SEC14L5: variants seen among roughly 807,000 people sequenced by gnomAD.
The protein encoded by SEC14L5 is SEC14-like protein 5.
A neutral mutation model predicts 84.6 loss-of-function variants in SEC14L5; 96 were observed. That is an observed-to-expected ratio of 1.13 (90% CI 0.96 to 1.34). The LOEUF is 1.34. SEC14L5 is among the 40% of genes most tolerant of loss of function. The pLI, the probability that SEC14L5 is intolerant of heterozygous loss-of-function variation, is 0.00. For missense variants in SEC14L5, 1,224 were observed against 942.5 expected (o/e 1.30, Z -3.91); for synonymous variants, 546 against 383.4 (o/e 1.42, Z -4.95).
chr16:4,992,093 G>T (rs1027020554), intron 6 of SEC14L5, 63 bp downstream of exon 6: 3 of 1,163,684 alleles, frequency 2.6e-6, no homozygotes, highest in Non-Finnish European at 3.5e-6. Flanking sequence ...TTGCTCCATG[G>T]GGGGCCCTGG....
chr16:5,014,564 A>G (rs1450761234), intron 15 of SEC14L5, among the ~76,000 whole-genome samples: 1 of 152,220 alleles, frequency 6.6e-6, no homozygotes, highest in African/African-American at 2.4e-5. Context: ...AGGGAGTGAG[A>G]CTGGAGACAG....
At chr16:5,005,202 C>G (rs1460979609) in intron 11 of SEC14L5, among the ~76,000 whole-genome samples, 1 of 152,086 alleles carries the variant, frequency 6.6e-6, no homozygotes, top group Non-Finnish European at 1.5e-5. Flanking sequence ...GTAATCCCAG[C>G]TACTTGGGAG....
chr16:4,987,355 T>C (rs556538662), intron 2 of SEC14L5, among the ~76,000 whole-genome samples: 2 of 152,336 alleles, frequency 1.3e-5, no homozygotes, highest in East Asian at 1.9e-4. Context: ...CAAATCATTG[T>C]CCAGGCTCTG....
At chr16:5,014,126 C>T (rs980032915) in intron 15 of SEC14L5, among the ~76,000 whole-genome samples, 2 of 152,206 alleles carry the variant, frequency 1.3e-5, no homozygotes, top group Non-Finnish European at 2.9e-5. Context: ...TTTAACTTAG[C>T]AAGGAGAATG....
intron 6 of SEC14L5, among the ~76,000 whole-genome samples, chr16:4,994,730 C>T (rs1188979875): frequency 2.6e-5 from 4 of 151,546 alleles, no homozygotes; most frequent in South Asian, 2.1e-4. Flanking sequence ...CTCCTGTGCA[C>T]GCTCTCTGTG....
At chr16:5,005,446 G>C (rs1955719762) in intron 11 of SEC14L5, among the ~76,000 whole-genome samples, 1 of 152,032 alleles carries the variant, frequency 6.6e-6, no homozygotes, top group Non-Finnish European at 1.5e-5. Flanking sequence ...TTTCCTTCTG[G>C]GGTGATGAAC....
intron 15 of SEC14L5, among the ~76,000 whole-genome samples, chr16:5,012,968 G>A (rs138549157): frequency 0.027 from 4,025 of 151,588 alleles, 171 homozygotes; most frequent in African/African-American, 0.091. Flanking sequence ...ATTGACTCAC[G>A]GTTCTGCATG....
At chr16:4,977,387 CAGTG>C (rs1955356080) in intron 2 of SEC14L5, among the ~76,000 whole-genome samples, 1 of 118,192 alleles carries the variant, frequency 8.5e-6, no homozygotes, top group Non-Finnish European at 1.6e-5. Flanking sequence ...GCGGAGGCGG[CAGTG>C]AGCTGAGATC....
chr16:4,971,091 CAAAA>C (rs34842525), intron 2 of SEC14L5, among the ~76,000 whole-genome samples: 5 of 73,924 alleles, frequency 6.8e-5, no homozygotes, highest in African/African-American at 1.5e-4. Context: ...GTGACAGAGC[CAAAA>C]AAAAAAAAAA....
intron 8 of SEC14L5, among the ~76,000 whole-genome samples, chr16:4,999,394 C>A (rs1955651066): frequency 6.6e-6 from 1 of 152,178 alleles, no homozygotes; most frequent in Non-Finnish European, 1.5e-5. Context: ...CGCTTAAGCC[C>A]AGGAGTTCGA....
At chr16:4,990,993 G>A in intron 5 of SEC14L5, 98 bp downstream of exon 5, 1 of 1,004,512 alleles carries the variant, frequency 1.0e-6, no homozygotes, top group Non-Finnish European at 1.4e-6. Flanking sequence ...ACCCTTCCTG[G>A]GCTCAGTGTT....
intron 9 of SEC14L5, 41 bp from the exon 10 acceptor site, chr16:5,000,814 C>T (rs1311683809): frequency 6.4e-7 from 1 of 1,572,504 alleles, no homozygotes; most frequent in East Asian, 2.3e-5. Flanking sequence ...TGGGGTAAAG[C>T]AGCGAGGCGG....
chr16:4,991,861 C>A lies in SEC14L5; in HGVS notation c.498C>A (p.Tyr166Ter). The A allele has an allele frequency of 1.2e-6, 2 of 1,608,752 alleles. No homozygotes were observed. The highest frequency in any genetic ancestry group is 1.7e-6 in the Non-Finnish European group (2 of 1,177,902). Residue 166 changes from tyrosine to a stop codon, truncating the protein, a stop_gained, in exon 6 of 16, where the codon TAC (tyrosine) becomes TAA (stop). Transcript: ENST00000251170. LOFTEE classifies it high-confidence loss of function. ...AGGGGAAGGAGGTGATTGAGCATTA[C>A]CTGAATGAGCTCATCTCCCAGGGTA... The part of the protein sequence containing the change: ...VKRGKEVIEH[Y>*]LNELISQGTS...
At chr16:4,994,456 G>A (rs1187610090) in intron 6 of SEC14L5, among the ~76,000 whole-genome samples, 1 of 152,002 alleles carries the variant, frequency 6.6e-6, no homozygotes, top group Non-Finnish European at 1.5e-5. Flanking sequence ...CGATTCTCCT[G>A]CCTCAGCCTC....
chr16:5,007,255 A>G (rs972728454), intron 12 of SEC14L5, 97 bp from the exon 13 acceptor site: 21 of 1,152,414 alleles, frequency 1.8e-5, no homozygotes, highest in Admixed American at 1.1e-4. Flanking sequence ...GGTTGCAATT[A>G]TGAGTGGCTT....
intron 2 of SEC14L5, among the ~76,000 whole-genome samples, chr16:4,984,335 A>G (rs1464581084): frequency 6.6e-6 from 1 of 152,172 alleles, no homozygotes. Context: ...TAATATTTTC[A>G]CAGTTCATCC....
At chr16:5,013,835 G>A (rs541747414) in intron 15 of SEC14L5, among the ~76,000 whole-genome samples, 2 of 152,140 alleles carry the variant, frequency 1.3e-5, no homozygotes, top group East Asian at 3.9e-4. Context: ...TGGGATTACA[G>A]GCATGAGCCA....
At chr16:4,962,421 A>C (rs1048799669) in intron 2 of SEC14L5, among the ~76,000 whole-genome samples, 2 of 152,010 alleles carry the variant, frequency 1.3e-5, no homozygotes, top group African/African-American at 4.8e-5. Flanking sequence ...GGTATGGTGG[A>C]TCATGCCTGT....
chr16:5,012,762 G>GGGTGTGGT (rs1955820204), intron 15 of SEC14L5, among the ~76,000 whole-genome samples: 5 of 147,892 alleles, frequency 3.4e-5, no homozygotes, highest in African/African-American at 9.9e-5. Flanking sequence ...AAAATTAGCC[G>GGGTGTGGT]GGCATGCCTA....
Sources: gnomAD v4.1 joint callset for allele counts (sites outside exome capture counted in the v4.1 genomes callset) on GRCh38, gnomAD v4.1.1 for gene constraint, MANE v1.5 for transcripts, NCBI Gene and HGNC (gene_info 2026-07-23, HGNC 2026-07-21) for gene names.